CREB5: variants seen among roughly 807,000 people sequenced by gnomAD.
The protein encoded by CREB5 is cyclic AMP-responsive element-binding protein 5.
Under a neutral mutation model 57.1 loss-of-function variants are expected in CREB5, and 19 were observed. That is an observed-to-expected ratio of 0.33 (90% confidence interval 0.23 to 0.49). The LOEUF (loss-of-function observed/expected upper bound fraction) is 0.49, where lower values mean the gene tolerates loss of function less well. Ranked by LOEUF, CREB5 falls within the 20% of genes least tolerant of loss-of-function variation. The pLI, the probability that CREB5 is intolerant of heterozygous loss-of-function variation, is 0.99. For synonymous variants in CREB5, 238 were observed against 238.3 expected (o/e 1.00, Z 0.01); for missense variants, 579 against 671.6 (o/e 0.86, Z 1.52).
chr7:28,753,663 C>T (rs1805112267), intron 7 of CREB5, among the ~76,000 whole-genome samples: 2 of 152,088 alleles, frequency 1.3e-5, no homozygotes, highest in African/African-American at 4.8e-5. Context: ...AAATGGCATG[C>T]ACTTGTTGAA....
intron 4 of CREB5, among the ~76,000 whole-genome samples, chr7:28,539,922 A>G (rs1329959860): frequency 6.6e-6 from 1 of 152,212 alleles, no homozygotes; most frequent in African/African-American, 2.4e-5. Context: ...AAAGCAAGTG[A>G]AATCAACATT....
chr7:28,665,721 A>T (rs1411166579), intron 5 of CREB5, among the ~76,000 whole-genome samples: 1 of 152,140 alleles, frequency 6.6e-6, no homozygotes, highest in Non-Finnish European at 1.5e-5. Flanking sequence ...AGATTTATCC[A>T]TCTTCTTGCA....
At chr7:28,328,034 C>A (rs1417393122) in intron 1 of CREB5, among the ~76,000 whole-genome samples, 1 of 144,938 alleles carries the variant, frequency 6.9e-6, no homozygotes, top group Non-Finnish European at 1.5e-5. Context: ...TGAGAATGTT[C>A]CGGTTTTCAA....
At chr7:28,560,759 TA>T (rs1795053975) in intron 4 of CREB5, among the ~76,000 whole-genome samples, 1 of 152,010 alleles carries the variant, frequency 6.6e-6, no homozygotes, top group Non-Finnish European at 1.5e-5. Context: ...GAACATGGTA[TA>T]ATTGGCTCTC....
chr7:28,757,461 A>G (rs1181510113), intron 7 of CREB5, among the ~76,000 whole-genome samples: 1 of 152,098 alleles, frequency 6.6e-6, no homozygotes, highest in East Asian at 1.9e-4. Flanking sequence ...TCACGAGGTC[A>G]GGAGATCGAG....
chr7:28,766,139 A>C (rs1267936880), intron 7 of CREB5, among the ~76,000 whole-genome samples: 1 of 152,186 alleles, frequency 6.6e-6, no homozygotes, highest in Non-Finnish European at 1.5e-5. Flanking sequence ...CCTAGGGCAT[A>C]ATGAGAACTC....
At chr7:28,605,100 G>A (rs1376844724) in intron 5 of CREB5, among the ~76,000 whole-genome samples, 1 of 152,022 alleles carries the variant, frequency 6.6e-6, no homozygotes, top group African/African-American at 2.4e-5. Flanking sequence ...AGGAACAAGA[G>A]CCTAAAAATT....
At chr7:28,809,125 C>T (rs986815026) in intron 8 of CREB5, 62 bp from the exon 9 acceptor site, 82 of 1,474,900 alleles carry the variant, frequency 5.6e-5, no homozygotes, top group Non-Finnish European at 7.2e-5. Flanking sequence ...GCTTGGGTTT[C>T]TTCCCTTACC....
In CREB5 at chr7:28,345,047, G is replaced by A. The variant is rs769203186; in HGVS notation, c.-25+45606G>A. Among the ~76,000 whole-genome samples the A allele has an allele frequency of 5.1e-4, 77 of 152,278 alleles. 1 individual carries two copies. Among genetic ancestry groups the A allele is most frequent in the Middle Eastern group, 3.4e-3 (1 of 294 alleles). The stretch of plus-strand genomic sequence containing the variant: ...ATGGACAAGAAGGGAGAAATAGATA[G>A]CAATACAATAATAGTAGGGGACTTT... On this transcript the variant is annotated intron_variant, in intron 1 of 9. Transcript: ENST00000396299.
intron 1 of CREB5, among the ~76,000 whole-genome samples, chr7:28,436,915 C>T (rs900818068): frequency 6.6e-6 from 1 of 152,126 alleles, no homozygotes; most frequent in Non-Finnish European, 1.5e-5. Context: ...GTGTACTATG[C>T]TCTTGAGGTA....
At chr7:28,388,543 T>C in intron 1 of CREB5, among the ~76,000 whole-genome samples, 1 of 152,202 alleles carries the variant, frequency 6.6e-6, no homozygotes, top group Non-Finnish European at 1.5e-5. Context: ...TCTTATGAGC[T>C]CAACAATTAA....
chr7:28,471,627 C>T (rs1324842017), intron 1 of CREB5, among the ~76,000 whole-genome samples: 1 of 152,080 alleles, frequency 6.6e-6, no homozygotes, highest in Non-Finnish European at 1.5e-5. Context: ...TTGTTTTGTC[C>T]ATTTTATAAA....
intron 5 of CREB5, among the ~76,000 whole-genome samples, chr7:28,584,988 T>C (rs1206570172): frequency 1.3e-5 from 2 of 152,194 alleles, no homozygotes; most frequent in Non-Finnish European, 2.9e-5. Flanking sequence ...AGGCCTGCTC[T>C]AGATCAAACA....
chr7:28,685,961 G>A, intron 5 of CREB5: 1 of 568,912 alleles, frequency 1.8e-6, no homozygotes, highest in Non-Finnish European at 3.1e-6. Context: ...AGAAGGGGGA[G>A]GAGGGCGAGA....
chr7:28,728,030 C>T (rs922264174), intron 7 of CREB5, among the ~76,000 whole-genome samples: 10 of 152,116 alleles, frequency 6.6e-5, no homozygotes, highest in South Asian at 2.1e-4. Context: ...ACTGCAGCCT[C>T]GAATTCCTGG....
At chr7:28,734,323 G>A (rs1803853402) in intron 7 of CREB5, among the ~76,000 whole-genome samples, 1 of 151,384 alleles carries the variant, frequency 6.6e-6, no homozygotes. Context: ...ATACATAGAG[G>A]CAAAGGAATG....
intron 1 of CREB5, among the ~76,000 whole-genome samples, chr7:28,442,152 T>C: frequency 6.6e-6 from 1 of 152,132 alleles, no homozygotes; most frequent in East Asian, 1.9e-4. Flanking sequence ...TTAAACAAAA[T>C]TTTTTTCCTT....
chr7:28,741,965 C>T (rs570882518), intron 7 of CREB5, among the ~76,000 whole-genome samples: 7 of 148,434 alleles, frequency 4.7e-5, no homozygotes, highest in African/African-American at 1.5e-4. Flanking sequence ...ACTTGGGAGG[C>T]GGAGGCAGAA....
intron 5 of CREB5, among the ~76,000 whole-genome samples, chr7:28,682,757 C>T (rs550802102): frequency 1.4e-4 from 21 of 151,724 alleles, no homozygotes; most frequent in Admixed American, 9.8e-4. Flanking sequence ...TTTCTCATAA[C>T]GTGTTTGAGC....
Sources: gnomAD v4.1 joint callset for allele counts (sites outside exome capture counted in the v4.1 genomes callset) on GRCh38, gnomAD v4.1.1 for gene constraint, MANE v1.5 for transcripts, NCBI Gene and HGNC (gene_info 2026-07-23, HGNC 2026-07-21) for gene names.